The following NAALADL2 variants were observed in gnomAD, a reference collection of about 807,000 sequenced individuals.
The protein encoded by NAALADL2 is inactive N-acetylated-alpha-linked acidic dipeptidase-like protein 2.
A neutral mutation model predicts 87.2 loss-of-function variants in NAALADL2; 76 were observed. The observed-to-expected ratio is 0.87, with a 90% confidence interval of 0.72 to 1.05. The LOEUF is 1.05. NAALADL2 is among the 50% of genes least tolerant of loss of function. The pLI is 0.00. For missense variants in NAALADL2, 1,089 were observed against 945.8 expected (o/e 1.15, Z -1.99); for synonymous variants, 354 against 331.0 (o/e 1.07, Z -0.75).
chr3:174,562,220 G>C (rs78330411), intron 2 of NAALADL2, among the ~76,000 whole-genome samples: 4,813 of 152,144 alleles, frequency 0.032, 349 homozygotes, highest in East Asian at 0.24. Flanking sequence ...GGCATTATAG[G>C]AAGAAGGCAT....
chr3:174,586,086 T>C (rs575191477), intron 2 of NAALADL2, among the ~76,000 whole-genome samples: 26 of 152,330 alleles, frequency 1.7e-4, no homozygotes, highest in African/African-American at 6.0e-4. Flanking sequence ...TGTAAACAAA[T>C]ATACGGTTAA....
Position 175,463,472 on chromosome 3 carries a change from G to A in NAALADL2, c.1306G>A (p.Val436Ile), listed in dbSNP as rs1375296364. The change falls in exon 7 of 14, where the codon GTA becomes ATA. Residue 436 changes from valine to isoleucine, a missense_variant. By Grantham distance (29) the Val-to-Ile change is conservative. Transcript: ENST00000454872. ...LKTVTNVVGF[V>I]MGLTSPDRYI... ...AACAGTTACTAATGTTGTTGGATTT[G>A]TAATGGGCTTGACATCTCCAGGTAA... 1.9e-6 allele frequency: 3 copies of A among 1,595,964 alleles called. No homozygotes were observed. The highest frequency in any genetic ancestry group is 1.1e-5 in the South Asian group (1 of 87,254).
intron 1 of NAALADL2, among the ~76,000 whole-genome samples, chr3:175,015,365 A>C (rs1750674070): frequency 6.6e-6 from 1 of 152,084 alleles, no homozygotes; most frequent in African/African-American, 2.4e-5. Context: ...TTCAAGATAA[A>C]AGTACTTGAA....
chr3:174,582,544 T>C (rs1716285580), intron 2 of NAALADL2, among the ~76,000 whole-genome samples: 2 of 152,210 alleles, frequency 1.3e-5, no homozygotes, highest in Admixed American at 1.3e-4. Flanking sequence ...ATTCTATCTT[T>C]AATTTATATG....
At chr3:175,030,712 G>C (rs1262501944) in intron 1 of NAALADL2, among the ~76,000 whole-genome samples, 2 of 152,024 alleles carry the variant, frequency 1.3e-5, no homozygotes, top group Admixed American at 6.6e-5. Flanking sequence ...GAAAATTAAA[G>C]AGAAAAGAAG....
chr3:175,359,711 G>T (rs1194500687), intron 5 of NAALADL2, among the ~76,000 whole-genome samples: 2 of 151,886 alleles, frequency 1.3e-5, no homozygotes, highest in Non-Finnish European at 2.9e-5. Flanking sequence ...ACTCCTCAAA[G>T]AATTAAACAT....
At chr3:175,190,426 A>G (rs1015999205) in intron 2 of NAALADL2, among the ~76,000 whole-genome samples, 6 of 152,200 alleles carry the variant, frequency 3.9e-5, no homozygotes, top group Non-Finnish European at 8.8e-5. Context: ...TAAAATGGCC[A>G]TCAGGTAAAT....
chr3:175,179,810 T>A (rs1017751009), intron 2 of NAALADL2, among the ~76,000 whole-genome samples: 6 of 152,030 alleles, frequency 3.9e-5, no homozygotes, highest in African/African-American at 1.2e-4. Context: ...TATCAGCTAA[T>A]TTAGCTTGAT....
At chr3:175,327,390 C>T (rs1760868377) in intron 5 of NAALADL2, among the ~76,000 whole-genome samples, 2 of 152,044 alleles carry the variant, frequency 1.3e-5, no homozygotes, top group Non-Finnish European at 2.9e-5. Context: ...CTCTTGACCT[C>T]GTGATCCGCC....
At chr3:175,060,079 A>T (rs1478388741) in intron 1 of NAALADL2, 1 of 299,314 alleles carries the variant, frequency 3.3e-6, no homozygotes. Context: ...AAAGAGTGTA[A>T]ATTGTGGGCA....
intron 9 of NAALADL2, among the ~76,000 whole-genome samples, chr3:175,541,430 G>A (rs1258797234): frequency 6.6e-6 from 1 of 151,996 alleles, no homozygotes; most frequent in Non-Finnish European, 1.5e-5. Flanking sequence ...CCTCCAATTA[G>A]GCAAAAGCAT....
At chr3:175,247,569 C>T (rs1377904603) in intron 3 of NAALADL2, among the ~76,000 whole-genome samples, 1 of 60,304 alleles carries the variant, frequency 1.7e-5, no homozygotes, top group Non-Finnish European at 3.7e-5. Context: ...ATATACAACT[C>T]CAGCTAGTCG....
chr3:174,744,481 A>C (rs1734064738), intron 3 of NAALADL2, among the ~76,000 whole-genome samples: 2 of 152,014 alleles, frequency 1.3e-5, no homozygotes, highest in African/African-American at 4.8e-5. Context: ...AGAGACTTAG[A>C]CTCCCACACA....
At chr3:174,912,850 A>T (rs999464521) in intron 1 of NAALADL2, among the ~76,000 whole-genome samples, 2 of 152,154 alleles carry the variant, frequency 1.3e-5, no homozygotes, top group African/African-American at 4.8e-5. Flanking sequence ...TGGCAGGATT[A>T]TTTATGAAAA....
At chr3:174,748,498 C>G (rs767375868) in intron 3 of NAALADL2, among the ~76,000 whole-genome samples, 2 of 152,010 alleles carry the variant, frequency 1.3e-5, no homozygotes, top group Non-Finnish European at 2.9e-5. Flanking sequence ...TTTCAAACCT[C>G]TGGACCCCAG....
At chr3:174,604,067 T>A (rs1718730362) in intron 2 of NAALADL2, among the ~76,000 whole-genome samples, 1 of 152,130 alleles carries the variant, frequency 6.6e-6, no homozygotes. Context: ...TATAAATATA[T>A]ATTAGGTTTA....
At chr3:174,847,355 A>G (rs1579183991) in intron 3 of NAALADL2, among the ~76,000 whole-genome samples, 1 of 152,238 alleles carries the variant, frequency 6.6e-6, no homozygotes, top group Non-Finnish European at 1.5e-5. Flanking sequence ...TATCTGCTCT[A>G]TAAAATGATA....
intron 9 of NAALADL2, among the ~76,000 whole-genome samples, chr3:175,507,378 C>T (rs574314155): frequency 4.8e-4 from 73 of 152,268 alleles, no homozygotes; most frequent in Admixed American, 2.1e-3. Context: ...TCTTAACTAT[C>T]CAGCCTAATC....
At chr3:174,714,622 G>T (rs1376401809) in intron 2 of NAALADL2, among the ~76,000 whole-genome samples, 1 of 152,164 alleles carries the variant, frequency 6.6e-6, no homozygotes, top group Non-Finnish European at 1.5e-5. Flanking sequence ...GTATAGGAAT[G>T]CTTGTGATTT....
Sources: allele counts gnomAD v4.1 joint callset (sites outside exome capture counted in the v4.1 genomes callset), GRCh38; gene constraint gnomAD v4.1.1; transcripts MANE v1.5; gene names NCBI Gene and HGNC (gene_info 2026-07-23, HGNC 2026-07-21).